The following ABR variants were observed in gnomAD, a reference collection of about 807,000 sequenced individuals.
ABR encodes the protein ABR activator of RhoGEF and GTPase.
In ABR, 35 loss-of-function variants were observed where a neutral mutation model predicts 107.2. The observed-to-expected ratio is 0.33, with a 90% CI of 0.25 to 0.43. ABR has a LOEUF of 0.43. Ranked by LOEUF, ABR falls within the 20% of genes least tolerant of loss-of-function variation. The pLI is 1.00. For synonymous variants in ABR, 498 were observed against 462.0 expected (o/e 1.08, Z -1.00); for missense variants, 815 against 1,115.2 (o/e 0.73, Z 3.83).
chr17:1,091,398 T>C (rs1288428611), intron 4 of ABR, among the ~76,000 whole-genome samples: 1 of 152,006 alleles, frequency 6.6e-6, no homozygotes, highest in Non-Finnish European at 1.5e-5. Flanking sequence ...ACACAGCCCA[T>C]CTCCACCACC....
intron 2 of ABR, among the ~76,000 whole-genome samples, chr17:1,107,064 G>A (rs997171971): frequency 5.9e-5 from 9 of 152,244 alleles, no homozygotes; most frequent in Non-Finnish European, 8.8e-5. Context: ...GGTAGAGGAG[G>A]GAGGAATTCT....
At chr17:1,069,060 G>A (rs1260720786) in intron 9 of ABR, among the ~76,000 whole-genome samples, 2 of 152,322 alleles carry the variant, frequency 1.3e-5, no homozygotes, top group East Asian at 1.9e-4. Context: ...GCACATCTAC[G>A]GGTAACATCG....
chr17:1,195,317 A>AAAAAAAAAAG (rs2042536828), intron 1 of ABR, among the ~76,000 whole-genome samples: 1 of 146,816 alleles, frequency 6.8e-6, no homozygotes, highest in African/African-American at 2.5e-5. Flanking sequence ...AAAAAAAAAA[A>AAAAAAAAAAG]AGTCCTGGCC....
intron 16 of ABR, among the ~76,000 whole-genome samples, chr17:1,046,383 G>C (rs1023811156): frequency 1.0e-4 from 15 of 150,648 alleles, no homozygotes; most frequent in African/African-American, 3.7e-4. Flanking sequence ...TAATCCGCCC[G>C]CCTCGGCCTC....
chr17:1,223,840 G>C (rs1345085777), intron 1 of ABR, among the ~76,000 whole-genome samples: 1 of 152,090 alleles, frequency 6.6e-6, no homozygotes, highest in Non-Finnish European at 1.5e-5. Flanking sequence ...AACTCCCCTC[G>C]TGATCAGGAC....
chr17:1,149,842 C>A (rs1041443555), intron 1 of ABR, among the ~76,000 whole-genome samples: 2 of 152,220 alleles, frequency 1.3e-5, no homozygotes, highest in Non-Finnish European at 2.9e-5. Flanking sequence ...AATTCCACTC[C>A]CAGTTTTAGC....
At chr17:1,085,060 C>A (rs2036503099) in intron 4 of ABR, among the ~76,000 whole-genome samples, 1 of 151,766 alleles carries the variant, frequency 6.6e-6, no homozygotes, top group Non-Finnish European at 1.5e-5. Context: ...CCTCGGCCTC[C>A]CAAAGTGCTG....
chr17:1,146,728 TTGCCACACGACACCAC>T (rs926688122), intron 1 of ABR, among the ~76,000 whole-genome samples: 2 of 135,476 alleles, frequency 1.5e-5, no homozygotes, highest in African/African-American at 5.8e-5. Context: ...ACTGCCACCA[TTGCCACACGACACCAC>T]TGCCACCACT....
At position 1,148,424 on chromosome 17, in the gene ABR, G is replaced by A. The variant is rs1427315200; in HGVS notation, c.62-23057C>T. On this transcript the variant is annotated intron_variant, in intron 1 of 22. Coordinates refer to ENST00000302538, the MANE Select transcript of ABR (RefSeq NM_021962.5). This position sits in a 1 kb window ranked among gnomAD's most constrained non-coding sequence, Gnocchi z 4.9. The stretch of plus-strand genomic sequence containing the variant: ...TCAGAAAGTAGGAGGGTGGTGGCCA[G>A]GAGCTGGGGGCTGGAGAAACGGGGA... Among the ~76,000 whole-genome samples, 1 of 152,228 alleles carries A rather than the reference G, an allele frequency of 6.6e-6. No individual in the cohort carries two copies. Among genetic ancestry groups the A allele is most frequent in the Non-Finnish European group, 1.5e-5 (1 of 68,044 alleles).
intron 1 of ABR, among the ~76,000 whole-genome samples, chr17:1,170,059 T>C (rs2041652839): frequency 6.6e-6 from 1 of 151,568 alleles, no homozygotes; most frequent in African/African-American, 2.4e-5. Context: ...TTGCCAATAA[T>C]TCCAGGAACA....
intron 1 of ABR, among the ~76,000 whole-genome samples, chr17:1,142,878 G>A (rs879513689): frequency 2.0e-5 from 3 of 152,152 alleles, no homozygotes; most frequent in Non-Finnish European, 2.9e-5. Flanking sequence ...CCCTCACCCC[G>A]AGGCCTGGAG....
At chr17:1,068,181 C>T (rs938722228) in intron 9 of ABR, among the ~76,000 whole-genome samples, 2 of 152,264 alleles carry the variant, frequency 1.3e-5, no homozygotes, top group African/African-American at 4.8e-5. Context: ...GATCCACCCG[C>T]CTTGGCCTCC....
chr17:1,031,748 G>GGT, intron 16 of ABR: 1 of 1,237,356 alleles, frequency 8.1e-7, no homozygotes. Context: ...TCATGCCGGG[G>GGT]GGGACGGGAC....
chr17:1,068,800 G>A (rs1392729659), intron 9 of ABR, among the ~76,000 whole-genome samples: 1 of 152,200 alleles, frequency 6.6e-6, no homozygotes, highest in Non-Finnish European at 1.5e-5. Context: ...GCCTCTAGCT[G>A]TGCGAGCTTG....
chr17:1,207,371 C>T (rs1450279533), intron 1 of ABR, among the ~76,000 whole-genome samples: 2 of 151,934 alleles, frequency 1.3e-5, no homozygotes, highest in Non-Finnish European at 2.9e-5. Context: ...TATATTTGGC[C>T]GTGTGCAGTG....
chr17:1,223,687 C>T (rs1369775943), intron 1 of ABR, among the ~76,000 whole-genome samples: 1 of 152,126 alleles, frequency 6.6e-6, no homozygotes, highest in African/African-American at 2.4e-5. Flanking sequence ...TCACAGTTCC[C>T]CAAGGCTGGG....
chr17:1,073,579 C>A, intron 7 of ABR, 46 bp downstream of exon 7: 1 of 1,445,140 alleles, frequency 6.9e-7, no homozygotes, highest in South Asian at 1.4e-5. Flanking sequence ...CAGTCTTCCA[C>A]TGAACTCCTA....
chr17:1,059,198 C>T (rs1429055959), intron 10 of ABR, among the ~76,000 whole-genome samples: 1 of 152,156 alleles, frequency 6.6e-6, no homozygotes, highest in Non-Finnish European at 1.5e-5. Flanking sequence ...CACCCAGGGC[C>T]AGGGACCAGG....
At chr17:1,042,350 C>A (rs111845038) in intron 16 of ABR, among the ~76,000 whole-genome samples, 9 of 149,406 alleles carry the variant, frequency 6.0e-5, no homozygotes, top group Admixed American at 5.3e-4. Context: ...AGACGTGGCA[C>A]CTACATCCAC....
Sources: gnomAD v4.1 joint callset for allele counts (sites outside exome capture counted in the v4.1 genomes callset) on GRCh38, gnomAD v4.1.1 for gene constraint, Gnocchi (gnomAD v3.1) non-coding constraint, MANE v1.5 for transcripts, NCBI Gene and HGNC (gene_info 2026-07-23, HGNC 2026-07-21) for gene names.